NSMCE2: variants seen among roughly 807,000 people sequenced by gnomAD.
NSMCE2 encodes the protein E3 SUMO-protein ligase NSE2.
Under a neutral mutation model 23.8 loss-of-function variants are expected in NSMCE2, and 24 were observed. The observed-to-expected ratio is 1.01, with a 90% CI of 0.73 to 1.42. The LOEUF is 1.42. Among genes scored for constraint, NSMCE2 ranks in the 40% most tolerant of loss-of-function variants. The pLI is 0.00. For missense variants in NSMCE2, 284 were observed against 296.5 expected (o/e 0.96, Z 0.31); for synonymous variants, 92 against 94.1 (o/e 0.98, Z 0.13).
chr8:125,125,918 G>C (rs1819495823), intron 3 of NSMCE2, among the ~76,000 whole-genome samples: 2 of 152,172 alleles, frequency 1.3e-5, no homozygotes, highest in African/African-American at 4.8e-5. Context: ...TCACAGCTGA[G>C]GAACTTGGGG....
intron 5 of NSMCE2, among the ~76,000 whole-genome samples, chr8:125,279,286 T>C (rs1043762337): frequency 6.6e-6 from 1 of 152,164 alleles, no homozygotes; most frequent in African/African-American, 2.4e-5. Flanking sequence ...GGTTTTTTCT[T>C]ATATATATTG....
chr8:125,299,761 A>G (rs1434169507), intron 5 of NSMCE2, among the ~76,000 whole-genome samples: 1 of 137,714 alleles, frequency 7.3e-6, no homozygotes, highest in Non-Finnish European at 1.6e-5. Context: ...AATGCCATGT[A>G]GTTTGAAGAC....
intron 7 of NSMCE2, among the ~76,000 whole-genome samples, chr8:125,364,101 G>T (rs986074416): frequency 6.6e-6 from 1 of 151,900 alleles, no homozygotes; most frequent in Non-Finnish European, 1.5e-5. Context: ...GCGCCACCAC[G>T]CCTGGCTAAT....
chr8:125,145,392 C>T (rs534522970), intron 3 of NSMCE2, among the ~76,000 whole-genome samples: 2 of 152,008 alleles, frequency 1.3e-5, no homozygotes, highest in African/African-American at 4.8e-5. Context: ...GGTGGCAGTG[C>T]GGGGGGGATA....
intron 1 of NSMCE2, among the ~76,000 whole-genome samples, chr8:125,100,379 G>A (rs1462826374): frequency 2.6e-5 from 4 of 151,502 alleles, no homozygotes; most frequent in South Asian, 2.1e-4. Flanking sequence ...GTTAAACTTC[G>A]TCTTTTATCC....
At chr8:125,243,454 T>C (rs1825834379) in intron 5 of NSMCE2, among the ~76,000 whole-genome samples, 1 of 151,930 alleles carries the variant, frequency 6.6e-6, no homozygotes, top group Non-Finnish European at 1.5e-5. Context: ...TGAGCAACCA[T>C]AGCAAATGGG....
chr8:125,274,894 C>T (rs1827381588), intron 5 of NSMCE2, among the ~76,000 whole-genome samples: 1 of 146,398 alleles, frequency 6.8e-6, no homozygotes, highest in Non-Finnish European at 1.5e-5. Context: ...CGCGCCATTG[C>T]ACTCCAGCCT....
chr8:125,102,510 T>C (rs750112395), intron 3 of NSMCE2, 23 bp downstream of exon 3: 1 of 1,596,508 alleles, frequency 6.3e-7, no homozygotes, highest in Non-Finnish European at 8.6e-7. Context: ...AAAACCTCTT[T>C]TGTGTCTACT....
chr8:125,183,664 T>C (rs1438676260), intron 5 of NSMCE2, among the ~76,000 whole-genome samples: 3 of 151,938 alleles, frequency 2.0e-5, no homozygotes, highest in Non-Finnish European at 4.4e-5. Flanking sequence ...TGTGTGTGTA[T>C]AGTATCTGGC....
At chr8:125,165,926 T>C (rs1486399679) in intron 4 of NSMCE2, among the ~76,000 whole-genome samples, 1 of 152,126 alleles carries the variant, frequency 6.6e-6, no homozygotes, top group African/African-American at 2.4e-5. Context: ...GCCAGAGAAT[T>C]TGATAGGCTG....
chr8:125,127,599 A>G (rs1819576393), intron 3 of NSMCE2, among the ~76,000 whole-genome samples: 1 of 152,158 alleles, frequency 6.6e-6, no homozygotes, highest in Non-Finnish European at 1.5e-5. Context: ...TTCTTCTGGA[A>G]TGGAGCCTTC....
intron 5 of NSMCE2, among the ~76,000 whole-genome samples, chr8:125,325,287 G>A (rs1362822252): frequency 6.9e-6 from 1 of 145,636 alleles, no homozygotes; most frequent in Non-Finnish European, 1.5e-5. Context: ...GCCAAACCCC[G>A]TTTCTATTAA....
intron 3 of NSMCE2, among the ~76,000 whole-genome samples, chr8:125,120,890 CCTTGA>C (rs1429393113): frequency 6.6e-6 from 1 of 152,160 alleles, no homozygotes; most frequent in African/African-American, 2.4e-5. Flanking sequence ...GACATGTATG[CCTTGA>C]CTAAAGTTGA....
chr8:125,252,935 A>G (rs1826256059), intron 5 of NSMCE2, among the ~76,000 whole-genome samples: 1 of 152,238 alleles, frequency 6.6e-6, no homozygotes, highest in Non-Finnish European at 1.5e-5. Context: ...TTACTCCCTT[A>G]AGCCTAAATT....
At position 125,102,138 on chromosome 8, in the gene NSMCE2, G is replaced by A. The variant is rs1818221638; in HGVS notation, c.-23G>A. The A allele has an allele frequency of 1.8e-6, 1 of 544,406 alleles. No homozygotes were observed. The allele number at this position is 544,406 out of a possible 1,614,324, so 33.7% of individuals were successfully genotyped here. A position where few individuals can be genotyped will look rare whatever the true frequency, so the allele number is the denominator to read the frequency against. ...CATATATTGAGTCCAGCTGTGTTTG[G>A]TGGCCCAGGTGAGTGGCACAGTGAT... On this transcript the variant is annotated 5_prime_UTR_variant, in exon 2 of 8. It adds an upstream start codon to the 5' untranslated region. Transcript: ENST00000287437.
intron 5 of NSMCE2, among the ~76,000 whole-genome samples, chr8:125,240,508 A>G (rs951019223): frequency 6.6e-6 from 1 of 152,180 alleles, no homozygotes; most frequent in Non-Finnish European, 1.5e-5. Context: ...CAGCACAGGG[A>G]CCTTGTATAA....
intron 5 of NSMCE2, among the ~76,000 whole-genome samples, chr8:125,242,086 C>G (rs1825785139): frequency 1.3e-5 from 2 of 151,652 alleles, no homozygotes; most frequent in Admixed American, 1.3e-4. Context: ...GGAAGTGTAT[C>G]TCTATGTAAA....
chr8:125,329,750 G>A (rs978802828), intron 5 of NSMCE2, among the ~76,000 whole-genome samples: 2 of 152,082 alleles, frequency 1.3e-5, no homozygotes, highest in South Asian at 2.1e-4. Context: ...TCTGGACCTC[G>A]GTTTCCTCAT....
Position 125,257,120 on chromosome 8 carries a change from C to T in NSMCE2, c.418+74864C>T, listed in dbSNP as rs370126170. Among the ~76,000 whole-genome samples, 9 of 149,282 alleles carry T rather than the reference C, an allele frequency of 6.0e-5. No homozygotes were observed. In the South Asian group the frequency reaches 1.1e-3, roughly 18 times the overall value. On this transcript the variant is annotated intron_variant, in intron 5 of 7. Transcript: ENST00000287437. ...CCAACATGGTGAAGCCCCATCTCTACTAAAAATACAAAAATTAGTCAGGCG... is the reference window on the plus strand; with the variant it reads ...CCAACATGGTGAAGCCCCATCTCTATTAAAAATACAAAAATTAGTCAGGCG...
Sources: allele counts gnomAD v4.1 joint callset (sites outside exome capture counted in the v4.1 genomes callset), GRCh38; gene constraint gnomAD v4.1.1; transcripts MANE v1.5; gene names NCBI Gene and HGNC (gene_info 2026-07-23, HGNC 2026-07-21).